PHF20: variants seen among roughly 807,000 people sequenced by gnomAD.
PHF20 encodes glioma-expressed antigen 2.
PHF20 carries 23 observed loss-of-function variants against 113.5 expected under a neutral mutation model. The ratio of observed to expected loss-of-function variants is 0.20; its 90% CI spans 0.15 to 0.29. The LOEUF is 0.29. PHF20 is among the 10% of genes least tolerant of loss of function. The pLI, the probability that PHF20 is intolerant of heterozygous loss-of-function variation, is 1.00. For missense variants in PHF20, 943 were observed against 1,219.6 expected, an observed-to-expected ratio of 0.77 and a Z score of 3.38; for synonymous variants, 434 against 457.3, an observed-to-expected ratio of 0.95 and a Z score of 0.65.
intron 9 of PHF20, among the ~76,000 whole-genome samples, chr20:35,880,435 G>A (rs2054607294): frequency 6.6e-6 from 1 of 152,134 alleles, no homozygotes; most frequent in African/African-American, 2.4e-5. Context: ...ACTGAAAAAT[G>A]CTTCATTTTC....
rs188542470 is a variant in PHF20, at chr20:35,887,022, A to T, written c.1283-12348A>T. Among the ~76,000 whole-genome samples, 10 of 152,314 alleles carry T rather than the reference A, an allele frequency of 6.6e-5. No homozygotes were observed. The South Asian group carries it at 8.3e-4, about 13-fold the overall frequency. On this transcript the variant is annotated intron_variant, in intron 9 of 17. Transcript: ENST00000374012. ...GCCAGCCAGACGGAATATCACCATC[A>T]TCATAATCTAATCATAGTCATCCAG...
At chr20:35,856,382 A>C (rs978191489) in intron 4 of PHF20, 3 of 152,210 alleles carry the variant, frequency 2.0e-5, no homozygotes, top group Admixed American at 6.5e-5. Flanking sequence ...AGTTGTTAAA[A>C]ATGCACATTC....
chr20:35,921,499 A>G (rs899309678), intron 13 of PHF20, among the ~76,000 whole-genome samples: 5 of 151,992 alleles, frequency 3.3e-5, no homozygotes, highest in African/African-American at 9.7e-5. Flanking sequence ...CCCTGGAAAC[A>G]TAGCAAGATC....
chr20:35,785,817 C>G (rs942762631), intron 1 of PHF20, among the ~76,000 whole-genome samples: 2 of 150,948 alleles, frequency 1.3e-5, no homozygotes, highest in Admixed American at 1.3e-4. Flanking sequence ...AATCCCAGCA[C>G]TTTGGGAGGC....
intron 1 of PHF20, among the ~76,000 whole-genome samples, chr20:35,780,469 A>G (rs2146827919): frequency 6.6e-6 from 1 of 150,644 alleles, no homozygotes; most frequent in South Asian, 2.1e-4. Flanking sequence ...CTCATAATCC[A>G]TCCGCCTCGG....
chr20:35,868,640 A>G (rs71350401), intron 6 of PHF20, among the ~76,000 whole-genome samples: 1 of 132,196 alleles, frequency 7.6e-6, no homozygotes, highest in Non-Finnish European at 1.6e-5. Context: ...AAGCAAGCAA[A>G]CAAAATCTAA....
At chr20:35,920,750 A>G (rs968826549) in intron 13 of PHF20, among the ~76,000 whole-genome samples, 1 of 152,312 alleles carries the variant, frequency 6.6e-6, no homozygotes, top group East Asian at 1.9e-4. Context: ...ATACACACAT[A>G]CATACCCACA....
intron 14 of PHF20, among the ~76,000 whole-genome samples, chr20:35,930,633 C>A (rs1028296559): frequency 1.3e-5 from 2 of 152,100 alleles, no homozygotes; most frequent in African/African-American, 4.8e-5. Context: ...ATGATCATGC[C>A]ACTGCACTGT....
chr20:35,790,191 C>T (rs1308076119), intron 1 of PHF20, among the ~76,000 whole-genome samples: 3 of 151,696 alleles, frequency 2.0e-5, no homozygotes, highest in East Asian at 1.9e-4. Flanking sequence ...TATTGTGTGC[C>T]AGGCTCTGCT....
rs778275978 is a variant in PHF20, at chr20:35,842,570, C to T, written c.84-3C>T. 8.1e-6 allele frequency: 13 copies of T among 1,597,234 alleles called. No homozygotes were observed. The South Asian group carries it at 1.4e-4, about 17-fold the overall frequency. On this transcript the variant is annotated splice_region_variant and splice_polypyrimidine_tract_variant and intron_variant, in intron 2 of 17. Transcript: ENST00000374012. ...AATGCCAATTTTTTTTTTTCTGACT[C>T]AGGTATCCAGCTCACATAGAAGACA...
At chr20:35,859,647 A>G (rs2054180350) in intron 5 of PHF20, among the ~76,000 whole-genome samples, 1 of 151,710 alleles carries the variant, frequency 6.6e-6, no homozygotes. Context: ...CCCCAGTTCA[A>G]GTGATTCTCC....
chr20:35,866,498 A>G (rs1038442607), intron 6 of PHF20, among the ~76,000 whole-genome samples: 4 of 152,206 alleles, frequency 2.6e-5, no homozygotes, highest in Non-Finnish European at 5.9e-5. Context: ...GCTGAGCACC[A>G]TGTTAAGATG....
At chr20:35,828,811 C>G (rs1171444606) in intron 2 of PHF20, among the ~76,000 whole-genome samples, 6 of 152,172 alleles carry the variant, frequency 3.9e-5, no homozygotes, top group African/African-American at 1.4e-4. Context: ...GCACCTCTAA[C>G]CTATAAACTA....
intron 9 of PHF20, 142 bp from the exon 10 acceptor site, chr20:35,899,228 T>G: frequency 1.6e-6 from 1 of 630,904 alleles, no homozygotes; most frequent in Non-Finnish European, 2.7e-6. Flanking sequence ...TAAACAGTAA[T>G]TTGAGGAGGT....
At chr20:35,854,890 G>A (rs192397271) in intron 4 of PHF20, among the ~76,000 whole-genome samples, 9 of 152,198 alleles carry the variant, frequency 5.9e-5, no homozygotes, top group Non-Finnish European at 1.2e-4. Context: ...TCCTCCTTCT[G>A]GAATCTGCCA....
chr20:35,847,526 T>A, intron 4 of PHF20, 92 bp downstream of exon 4: 1 of 802,290 alleles, frequency 1.2e-6, no homozygotes, highest in Admixed American at 2.2e-5. Flanking sequence ...ATATTTTCAG[T>A]ATTTATTTAC....
In PHF20 at chr20:35,865,719, A is replaced by C. The variant is rs1052951762; in HGVS notation, c.808+2319A>C. 2.6e-5 allele frequency among the ~76,000 whole-genome samples: 4 copies of C among 151,890 alleles called. No homozygotes were observed. In the South Asian group the frequency reaches 8.3e-4, roughly 31 times the overall value. On this transcript the variant is annotated intron_variant, in intron 6 of 17. Transcript: ENST00000374012. ...TCACTATGTTGCCCAGGTTTGTCTC[A>C]ATCTCTGGGCCTCAAGCAAGCAATC...
chr20:35,780,841 G>A (rs984557678), intron 1 of PHF20, among the ~76,000 whole-genome samples: 12 of 141,318 alleles, frequency 8.5e-5, no homozygotes, highest in African/African-American at 3.0e-4. Flanking sequence ...AGCCACTGGT[G>A]CCTGGCCCTT....
chr20:35,819,264 A>G (rs1226742135), intron 2 of PHF20, among the ~76,000 whole-genome samples: 2 of 152,002 alleles, frequency 1.3e-5, no homozygotes, highest in East Asian at 1.9e-4. Context: ...CGTTTTATAG[A>G]TGAACTAAAA....
Sources: gnomAD v4.1 joint callset for allele counts (sites outside exome capture counted in the v4.1 genomes callset) on GRCh38, gnomAD v4.1.1 for gene constraint, MANE v1.5 for transcripts, NCBI Gene and HGNC (gene_info 2026-07-23, HGNC 2026-07-21) for gene names.